ANO1: variants seen among roughly 807,000 people sequenced by gnomAD.
The protein encoded by ANO1 is anoctamin-1.
Under a neutral mutation model 124.0 loss-of-function variants are expected in ANO1, and 59 were observed. That is an observed-to-expected ratio of 0.48 (90% CI 0.39 to 0.59). The LOEUF (loss-of-function observed/expected upper bound fraction) is 0.59. Among genes scored for constraint, ANO1 ranks in the 20% least tolerant of loss-of-function variants. The probability of loss-of-function intolerance (pLI) is 0.00; values close to 1 mark genes in which losing one functional copy is unlikely to be tolerated. For synonymous variants in ANO1, 529 were observed against 532.0 expected, an observed-to-expected ratio of 0.99 and a Z score of 0.08; for missense variants, 1,059 against 1,328.0, an observed-to-expected ratio of 0.80 and a Z score of 3.15.
chr11:70,103,872 A>T (rs1239905733), intron 3 of ANO1, 127 bp from the exon 4 acceptor site: 1 of 1,033,894 alleles, frequency 9.7e-7, no homozygotes, highest in Non-Finnish European at 1.4e-6. Flanking sequence ...TGGCCCACCC[A>T]GGTGCTCTGC....
chr11:70,177,347 A>G (rs1199360391), intron 22 of ANO1, among the ~76,000 whole-genome samples: 1 of 152,246 alleles, frequency 6.6e-6, no homozygotes, highest in Admixed American at 6.5e-5. Context: ...GCCACAGAGC[A>G]GTGTGCCTGT....
intron 16 of ANO1, among the ~76,000 whole-genome samples, 171 bp from the exon 17 acceptor site, chr11:70,160,990 A>T (rs1043911438): frequency 9.9e-5 from 15 of 152,198 alleles, no homozygotes; most frequent in African/African-American, 3.6e-4. Context: ...CTGGTGGGTT[A>T]ATGCACAGAA....
At chr11:70,003,911 T>C (rs1366621133) in intron 1 of ANO1, among the ~76,000 whole-genome samples, 4 of 152,162 alleles carry the variant, frequency 2.6e-5, no homozygotes, top group African/African-American at 9.7e-5. Flanking sequence ...CCTCAGCTCC[T>C]GCCATGTTCT....
chr11:70,155,117 C>A (rs1014358735), intron 14 of ANO1, among the ~76,000 whole-genome samples: 3 of 152,240 alleles, frequency 2.0e-5, no homozygotes, highest in Non-Finnish European at 4.4e-5. Flanking sequence ...GGTCGCACCT[C>A]TTGCAGTGAG....
At chr11:70,110,489 A>G (rs1466054021) in intron 6 of ANO1, among the ~76,000 whole-genome samples, 1 of 152,012 alleles carries the variant, frequency 6.6e-6, no homozygotes, top group African/African-American at 2.4e-5. Context: ...CCGGGCCCCC[A>G]TGTTCACTTT....
chr11:69,975,694 G>A, the ANO1 span, among the ~76,000 whole-genome samples: 10 of 152,160 alleles, frequency 6.6e-5, no homozygotes, highest in South Asian at 2.1e-4. Context: ...TCCGGGATCC[G>A]CTCTCCAGGA....
At position 70,170,954 on chromosome 11, in the gene ANO1, G is replaced by T. The variant is rs1341745985; in HGVS notation, c.2265G>T (p.Leu755=). The change falls in exon 22 of 26, where the codon CTG becomes CTT. Residue 755 remains leucine, a synonymous_variant. Transcript: ENST00000355303. ...SFPLAPLFAL[L]NNIIEIRLDA... is the part of the protein sequence containing the mutation. ...CCCTGGCCCCACTGTTTGCGCTGCT[G>T]AACAACATCATCGAGATCCGCCTGG... is the stretch of plus-strand genomic sequence containing the variant. The T allele has an allele frequency of 6.2e-7, 1 of 1,613,448 alleles. No individual in the cohort carries two copies. Among genetic ancestry groups the T allele is most frequent in the East Asian group, 2.2e-5 (1 of 44,864 alleles).
chr11:70,081,437 A>G lies in ANO1; in HGVS notation c.108+2723A>G, dbSNP rs191175675. Among the ~76,000 whole-genome samples the G allele has an allele frequency of 9.8e-5, 15 of 152,318 alleles. No homozygotes were observed. The East Asian group carries it at 2.9e-3, about 29-fold the overall frequency. ...TATGGAACGTGCCCCATAATCGTAC[A>G]TTGATATGTAGTGACCTGGTTTTAA... is the stretch of plus-strand genomic sequence containing the variant. On this transcript the variant is annotated intron_variant, in intron 1 of 25. Coordinates refer to ENST00000355303, the MANE Select transcript of ANO1 (RefSeq NM_018043.7).
At position 70,104,104 on chromosome 11, in the gene ANO1, A is replaced by G; in HGVS notation, c.646A>G (p.Thr216Ala). Reference sequence around the variant, plus strand: ...CAAAGTGGCTGAGCACAGGCCCCAGACCATGAAGAGACTCTCCTATCCCTT... The same window carrying G: ...CAAAGTGGCTGAGCACAGGCCCCAGGCCATGAAGAGACTCTCCTATCCCTT... The part of the protein sequence containing the change: ...QPKVAEHRPQ[T>A]MKRLSYPFSR... Residue 216 changes from threonine to alanine, a missense_variant, in exon 4 of 26, where the codon ACC becomes GCC. Thr to Ala is a moderately conservative substitution (Grantham distance 58). Coordinates refer to ENST00000355303, the MANE Select transcript of ANO1 (RefSeq NM_018043.7). 1 of 1,613,060 alleles carries G rather than the reference A, an allele frequency of 6.2e-7. No individual in the cohort carries two copies. The highest frequency in any genetic ancestry group is 8.5e-7 in the Non-Finnish European group (1 of 1,179,644).
upstream of ANO1, chr11:70,075,406 G>A (rs2044045367): frequency 2.0e-5 from 3 of 151,796 alleles, no homozygotes; most frequent in Non-Finnish European, 1.5e-5. Flanking sequence ...GAATGATACA[G>A]AGAAGATTAG....
chr11:70,161,755 C>T, intron 18 of ANO1, 22 bp downstream of exon 18: 1 of 1,608,240 alleles, frequency 6.2e-7, no homozygotes, highest in Non-Finnish European at 8.5e-7. Flanking sequence ...TTCAGCCTTT[C>T]CCCAACCTCG....
intron 1 of ANO1, among the ~76,000 whole-genome samples, chr11:70,016,635 G>A (rs558393840): frequency 1.5e-4 from 23 of 152,312 alleles, no homozygotes; most frequent in African/African-American, 1.7e-4. Flanking sequence ...TCCTGGGAGC[G>A]CGGGGCATGC....
chr11:69,979,701 T>A, the ANO1 span, among the ~76,000 whole-genome samples: 5 of 152,114 alleles, frequency 3.3e-5, no homozygotes, highest in Non-Finnish European at 7.3e-5. Context: ...TTCCTCCAAA[T>A]GCAGCAGCCC....
chr11:70,134,907 G>C (rs1258045613), intron 11 of ANO1, among the ~76,000 whole-genome samples: 1 of 152,332 alleles, frequency 6.6e-6, no homozygotes, highest in East Asian at 1.9e-4. Flanking sequence ...AGGGGTGTCA[G>C]AGCATCCGGA....
chr11:70,035,520 C>CTATATATATATATATATATATATA (rs34200982), intron 1 of ANO1, among the ~76,000 whole-genome samples: 70 of 147,686 alleles, frequency 4.7e-4, no homozygotes, highest in East Asian at 4.1e-3. Context: ...TAAGCTGTTG[C>CTATATATATATATATATATATATA]TATATATATA....
chr11:70,121,996 A>C (rs1353782282), intron 8 of ANO1, among the ~76,000 whole-genome samples: 3 of 100,832 alleles, frequency 3.0e-5, no homozygotes, highest in African/African-American at 4.0e-5. Flanking sequence ...CTGTCTCTCC[A>C]TCTGCCTCTG....
intron 1 of ANO1, among the ~76,000 whole-genome samples, chr11:70,039,342 G>A (rs1857145142): frequency 6.6e-6 from 1 of 152,122 alleles, no homozygotes; most frequent in Admixed American, 6.5e-5. Context: ...GCCATCTTCT[G>A]GCCGAAATAT....
At chr11:70,066,415 T>A (rs7942152) in intron 1 of ANO1, among the ~76,000 whole-genome samples, 61,160 of 151,956 alleles carry the variant, frequency 0.4, 13,373 homozygotes, top group East Asian at 0.67. Context: ...AGAGCCCACA[T>A]GACTTGTCCA....
chr11:70,024,314 C>T (rs563971657), intron 1 of ANO1, among the ~76,000 whole-genome samples: 4 of 152,290 alleles, frequency 2.6e-5, no homozygotes, highest in Admixed American at 6.5e-5. Flanking sequence ...CCATCTGGAG[C>T]GGGGGGACAC....
Sources: allele counts gnomAD v4.1 joint callset (sites outside exome capture counted in the v4.1 genomes callset), GRCh38; gene constraint gnomAD v4.1.1; transcripts MANE v1.5; gene names NCBI Gene and HGNC (gene_info 2026-07-23, HGNC 2026-07-21).